The following PIK3CD variants were observed in gnomAD, a reference collection of about 807,000 sequenced individuals.
PIK3CD encodes the protein phosphatidylinositol-4,5-bisphosphate 3-kinase catalytic subunit delta.
In PIK3CD, 20 loss-of-function variants were observed where a neutral mutation model predicts 122.9. That is an observed-to-expected ratio of 0.16 (90% confidence interval 0.11 to 0.24). The LOEUF is 0.24. Ranked by LOEUF, PIK3CD falls within the 10% of genes least tolerant of loss-of-function variation. The pLI is 1.00. For synonymous variants in PIK3CD, 596 were observed against 593.4 expected (o/e 1.00, Z -0.06); for missense variants, 787 against 1,406.3 (o/e 0.56, Z 7.04).
In PIK3CD at chr1:9,718,852, G is replaced by A. The variant is rs763087095; in HGVS notation, c.1179G>A (p.Ala393=). The A allele has an allele frequency of 4.0e-5, 65 of 1,612,942 alleles. No homozygotes were observed. Among genetic ancestry groups the A allele is most frequent in the Middle Eastern group, 1.6e-4 (1 of 6,084 alleles). ...CCCGCATGGCCCGTCTCTGCTTTGC[G>A]CTGTACGCCGTGATCGAGAAAGCCA... ...DLPRMARLCF[A]LYAVIEKAKK... Residue 393 remains alanine (A), a synonymous_variant, in exon 9 of 24, where the codon GCG becomes GCA. Transcript: ENST00000377346. The surrounding 1 kb of genome is among the most constrained non-coding windows in gnomAD (Gnocchi z 7.2).
chr1:9,705,589 T>C (rs1219700210), intron 2 of PIK3CD, among the ~76,000 whole-genome samples: 1 of 152,040 alleles, frequency 6.6e-6, no homozygotes, highest in Non-Finnish European at 1.5e-5. Context: ...GATTAGAAAA[T>C]ATTTCCCGCT....
chr1:9,697,063 C>CAAAA, intron 2 of PIK3CD, among the ~76,000 whole-genome samples: 1 of 76,968 alleles, frequency 1.3e-5, no homozygotes, highest in Non-Finnish European at 2.8e-5. Flanking sequence ...GATCCTGTCT[C>CAAAA]AAAAAAAAAA....
the PIK3CD span, among the ~76,000 whole-genome samples, chr1:9,640,810 A>G: frequency 1.3e-5 from 2 of 152,042 alleles, no homozygotes; most frequent in African/African-American, 4.8e-5. Flanking sequence ...CCAAATCCTC[A>G]GCTGCCCCCT....
rs1020304405 is a variant in PIK3CD at position 9,700,773 on chromosome 1, G to A, written c.-33+9202G>A. ...TTCATTTGGTCTAAAATGGGGCTCC[G>A]GCTGTCTTATCCCACCAGAAATCTC... On this transcript the variant is annotated intron_variant, in intron 2 of 23. Coordinates refer to ENST00000377346, the MANE Select transcript of PIK3CD (RefSeq NM_005026.5). The surrounding 1 kb of genome is among the most constrained non-coding windows in gnomAD (Gnocchi z 5.1). Among the ~76,000 whole-genome samples the A allele has an allele frequency of 5.9e-5, 9 of 152,190 alleles. No individual in the cohort carries two copies. In the East Asian group the frequency reaches 1.5e-3, roughly 26 times the overall value.
chr1:9,666,987 T>G (rs1463259756), intron 1 of PIK3CD, among the ~76,000 whole-genome samples: 1 of 151,962 alleles, frequency 6.6e-6, no homozygotes, highest in Non-Finnish European at 1.5e-5. Context: ...TGCCTCAGCC[T>G]CCTGTAGCTG....
At chr1:9,676,970 A>T (rs2101072714) in intron 1 of PIK3CD, among the ~76,000 whole-genome samples, 1 of 152,224 alleles carries the variant, frequency 6.6e-6, no homozygotes, top group African/African-American at 2.4e-5. Context: ...TGCCAAGGAG[A>T]GAGTGTGACC....
intron 1 of PIK3CD, among the ~76,000 whole-genome samples, chr1:9,654,981 C>T (rs946560759): frequency 1.3e-5 from 2 of 151,290 alleles, no homozygotes; most frequent in African/African-American, 4.9e-5. Flanking sequence ...GCAGGAGAAT[C>T]GCTTCAATCC....
At position 9,715,721 on chromosome 1, in the gene PIK3CD, C is replaced by G; in HGVS notation, c.322C>G (p.Arg108Gly). ...GCGCCTGGTGGCCCGTGAGGGCGACCGCGTGAAGAAGCTCATCAACTCACA... is the reference window on the plus strand; with the variant it reads ...GCGCCTGGTGGCCCGTGAGGGCGACGGCGTGAAGAAGCTCATCAACTCACA... Reference protein sequence around the residue: ...VLRLVAREGDRVKKLINSQIS... With the variant: ...VLRLVAREGDGVKKLINSQIS... The change falls in exon 4 of 24, where the codon CGC becomes GGC. Residue 108 changes from arginine (R) to glycine (G), a missense_variant. Coordinates refer to ENST00000377346, the MANE Select transcript of PIK3CD (RefSeq NM_005026.5). The surrounding 1 kb of genome is among the most constrained non-coding windows in gnomAD (Gnocchi z 4.1). 1 of 1,613,516 alleles carries G rather than the reference C, an allele frequency of 6.2e-7. No individual in the cohort carries two copies. Among genetic ancestry groups the G allele is most frequent in the Non-Finnish European group, 8.5e-7 (1 of 1,180,018 alleles).
chr1:9,645,236 C>T, the PIK3CD span, among the ~76,000 whole-genome samples: 2 of 151,908 alleles, frequency 1.3e-5, no homozygotes, highest in East Asian at 1.9e-4. Context: ...CCAGTCTAGT[C>T]GCAAACTCCT....
At chr1:9,644,426 G>C in the PIK3CD span, among the ~76,000 whole-genome samples, 3 of 152,012 alleles carry the variant, frequency 2.0e-5, no homozygotes, top group Non-Finnish European at 4.4e-5. Flanking sequence ...GCTGAGGCAG[G>C]AGAATCACTT....
At chr1:9,693,235 A>T (rs1001018237) in intron 2 of PIK3CD, among the ~76,000 whole-genome samples, 5 of 151,714 alleles carry the variant, frequency 3.3e-5, no homozygotes, top group Non-Finnish European at 5.9e-5. Flanking sequence ...TATTTACTTA[A>T]TTTTTTTGAG....
the PIK3CD span, among the ~76,000 whole-genome samples, chr1:9,645,381 GTCC>G: frequency 6.6e-6 from 1 of 152,000 alleles, no homozygotes; most frequent in Non-Finnish European, 1.5e-5. Context: ...GTCATGATAA[GTCC>G]CTAGGGTCAC....
At chr1:9,637,794 T>G in the PIK3CD span, among the ~76,000 whole-genome samples, 4 of 152,242 alleles carry the variant, frequency 2.6e-5, no homozygotes, top group Non-Finnish European at 5.9e-5. Context: ...TCTGAAAAGT[T>G]GTTCTTCTGT....
chr1:9,666,497 G>T (rs1318156338), intron 1 of PIK3CD, among the ~76,000 whole-genome samples: 10 of 151,826 alleles, frequency 6.6e-5, no homozygotes, highest in Non-Finnish European at 1.5e-4. Context: ...CCTCCCAAGT[G>T]CTGGGATTAC....
At chr1:9,659,150 C>G (rs980144923) in intron 1 of PIK3CD, among the ~76,000 whole-genome samples, 3 of 150,106 alleles carry the variant, frequency 2.0e-5, no homozygotes, top group African/African-American at 7.3e-5. Context: ...ACAACACACA[C>G]TGGGGCTTGT....
chr1:9,688,454 G>A (rs1646055991), intron 1 of PIK3CD: 1 of 152,414 alleles, frequency 6.6e-6, no homozygotes, highest in Admixed American at 6.5e-5. Context: ...CAGTGTTTGT[G>A]TGAGTACGTG....
At chr1:9,632,316 C>A in the PIK3CD span, among the ~76,000 whole-genome samples, 1 of 152,030 alleles carries the variant, frequency 6.6e-6, no homozygotes, top group Non-Finnish European at 1.5e-5. Context: ...CTGGCTTCTT[C>A]TTTCTTTTTT....
chr1:9,667,066 G>C (rs1645182701), intron 1 of PIK3CD, among the ~76,000 whole-genome samples: 1 of 152,068 alleles, frequency 6.6e-6, no homozygotes, highest in Non-Finnish European at 1.5e-5. Flanking sequence ...GTTTCACCAT[G>C]TTTTCCAAGC....
chr1:9,709,938 G>A (rs147053997), intron 2 of PIK3CD, among the ~76,000 whole-genome samples: 12 of 152,108 alleles, frequency 7.9e-5, no homozygotes, highest in East Asian at 1.9e-4. Flanking sequence ...CCCAAGAGGC[G>A]GAGATTGCAG....
Sources: gnomAD v4.1 joint callset for allele counts (sites outside exome capture counted in the v4.1 genomes callset) on GRCh38, gnomAD v4.1.1 for gene constraint, Gnocchi (gnomAD v3.1) non-coding constraint, MANE v1.5 for transcripts, NCBI Gene and HGNC (gene_info 2026-07-23, HGNC 2026-07-21) for gene names.